The following FSTL5 variants were observed in gnomAD, a reference collection of about 807,000 sequenced individuals.
FSTL5 encodes follistatin-related protein 5.
Under a neutral mutation model 89.1 loss-of-function variants are expected in FSTL5, and 62 were observed. The ratio of observed to expected loss-of-function variants is 0.70; its 90% CI spans 0.57 to 0.86. The LOEUF (loss-of-function observed/expected upper bound fraction) is 0.86. Among genes scored for constraint, FSTL5 ranks in the 40% least tolerant of loss-of-function variants. The probability of loss-of-function intolerance (pLI) is 0.00; values close to 1 mark genes in which losing one functional copy is unlikely to be tolerated. For missense variants in FSTL5, 1,057 were observed against 1,001.6 expected, an observed-to-expected ratio of 1.06 and a Z score of -0.75; for synonymous variants, 383 against 346.2, an observed-to-expected ratio of 1.11 and a Z score of -1.18.
intron 3 of FSTL5, among the ~76,000 whole-genome samples, chr4:161,931,796 T>A (rs1192556210): frequency 6.6e-6 from 1 of 151,908 alleles, no homozygotes. Context: ...AGGTGGTAAG[T>A]TCCTCTCTCC....
chr4:161,453,419 T>A (rs1424792529), intron 15 of FSTL5, among the ~76,000 whole-genome samples: 1 of 152,144 alleles, frequency 6.6e-6, no homozygotes, highest in Non-Finnish European at 1.5e-5. Context: ...TTATCCTCAT[T>A]AAATATGTAT....
intron 12 of FSTL5, among the ~76,000 whole-genome samples, chr4:161,484,639 A>G (rs955445735): frequency 7.9e-5 from 12 of 152,132 alleles, no homozygotes; most frequent in East Asian, 5.8e-4. Flanking sequence ...TCATGACATC[A>G]TCTCTTTTAA....
At position 161,683,278 on chromosome 4, in the gene FSTL5, GCTCCATGGTAATCTTAAGGA is replaced by G. The variant is rs553768799; in HGVS notation, c.728-26804_728-26785del. Among the ~76,000 whole-genome samples the G allele has an allele frequency of 5.6e-3, 848 of 152,114 alleles. 4 individuals carry two copies. Among genetic ancestry groups the G allele is most frequent in the Non-Finnish European group, 8.9e-3 (605 of 67,990 alleles). The stretch of plus-strand genomic sequence containing the variant: ...ACAACTAGGTGCTAGGAATTTTTTG[GCTCCATGGTAATCTTAAGGA>G]ACCACCTGTGTCCATGCAGTCCATC... On this transcript the variant is annotated intron_variant, in intron 6 of 15. Coordinates refer to ENST00000306100, the MANE Select transcript of FSTL5 (RefSeq NM_020116.5).
intron 4 of FSTL5, among the ~76,000 whole-genome samples, chr4:161,884,239 TA>T (rs2126914095): frequency 6.6e-6 from 1 of 152,026 alleles, no homozygotes; most frequent in East Asian, 1.9e-4. Context: ...TTAGTAGAGA[TA>T]TTGGCCAGAC....
At chr4:161,766,908 ATTG>A (rs1560833624) in intron 5 of FSTL5, among the ~76,000 whole-genome samples, 8 of 44,582 alleles carry the variant, frequency 1.8e-4, no homozygotes, top group African/African-American at 1.6e-3. Context: ...TGATAGATCG[ATTG>A]ATAGATAGAT....
At chr4:161,845,031 A>C (rs1266517133) in intron 4 of FSTL5, among the ~76,000 whole-genome samples, 1 of 152,166 alleles carries the variant, frequency 6.6e-6, no homozygotes, top group African/African-American at 2.4e-5. Flanking sequence ...TTATTGCTTG[A>C]TTTGGTATTA....
chr4:162,043,002 C>T lies in FSTL5; in HGVS notation c.127-9344G>A, dbSNP rs546747104. On this transcript the variant is annotated intron_variant, in intron 2 of 15. Transcript: ENST00000306100. ...GGGAGATATACCTAATGCTAGATGACGAGTTAGTGGGTGCAGCGCACCAGC... is the reference window on the plus strand; with the variant it reads ...GGGAGATATACCTAATGCTAGATGATGAGTTAGTGGGTGCAGCGCACCAGC... Among the ~76,000 whole-genome samples the T allele has an allele frequency of 1.2e-4, 18 of 150,254 alleles. No homozygotes were observed. In the South Asian group the frequency reaches 2.6e-3, roughly 21 times the overall value.
At chr4:162,023,390 C>T (rs1737166746) in intron 3 of FSTL5, among the ~76,000 whole-genome samples, 1 of 152,126 alleles carries the variant, frequency 6.6e-6, no homozygotes, top group African/African-American at 2.4e-5. Context: ...CTAGATTGCA[C>T]CGTCTGGTTT....
intron 4 of FSTL5, among the ~76,000 whole-genome samples, chr4:161,905,990 T>C (rs1733511854): frequency 6.6e-6 from 1 of 152,162 alleles, no homozygotes; most frequent in Admixed American, 6.6e-5. Context: ...GAAAAGAGAC[T>C]TGAGTGCCCT....
At chr4:161,894,106 TTA>T (rs1341947714) in intron 4 of FSTL5, among the ~76,000 whole-genome samples, 3 of 152,176 alleles carry the variant, frequency 2.0e-5, no homozygotes, top group African/African-American at 7.2e-5. Context: ...GTAATGAGTA[TTA>T]TCAATTTATC....
intron 3 of FSTL5, among the ~76,000 whole-genome samples, chr4:162,030,045 T>G (rs1305939905): frequency 6.6e-6 from 1 of 152,046 alleles, no homozygotes; most frequent in Non-Finnish European, 1.5e-5. Flanking sequence ...ATTACAGGCA[T>G]GCGCTACCAC....
In FSTL5 at chr4:162,152,828, T is replaced by C. The variant is rs180839437; in HGVS notation, c.-17+10787A>G. Among the ~76,000 whole-genome samples the C allele has an allele frequency of 5.8e-4, 88 of 151,910 alleles. 1 individual carries two copies. The highest frequency in any genetic ancestry group is 2.1e-4 in the Non-Finnish European group (14 of 67,924). On this transcript the variant is annotated intron_variant, in intron 1 of 15. Transcript: ENST00000306100. ...GAAATTAGCTTTAAGTCCCAGAATT[T>C]AGTTGCAACATGCTCTGTATAGTAT...
At chr4:161,658,383 C>G (rs1359867743) in intron 6 of FSTL5, among the ~76,000 whole-genome samples, 1 of 151,578 alleles carries the variant, frequency 6.6e-6, no homozygotes, top group African/African-American at 2.4e-5. Context: ...CTCTTGAACC[C>G]GGGAGGCAGA....
chr4:161,431,002 T>C (rs1258118960), intron 15 of FSTL5, among the ~76,000 whole-genome samples: 1 of 150,118 alleles, frequency 6.7e-6, no homozygotes, highest in Non-Finnish European at 1.5e-5. Flanking sequence ...ATTTCCCAGA[T>C]AATAAAAAGC....
intron 2 of FSTL5, among the ~76,000 whole-genome samples, chr4:162,083,485 T>C (rs1009115831): frequency 5.9e-5 from 9 of 151,704 alleles, no homozygotes; most frequent in African/African-American, 2.2e-4. Context: ...ATATACGTTT[T>C]TCATTAAAAA....
chr4:162,090,633 C>T (rs1486661543), intron 2 of FSTL5, among the ~76,000 whole-genome samples: 2 of 151,912 alleles, frequency 1.3e-5, no homozygotes, highest in African/African-American at 4.8e-5. Flanking sequence ...CTAGCCTGGC[C>T]AACAGCGTGA....
At chr4:161,786,477 T>A (rs963283746) in intron 4 of FSTL5, among the ~76,000 whole-genome samples, 1 of 152,118 alleles carries the variant, frequency 6.6e-6, no homozygotes, top group African/African-American at 2.4e-5. Flanking sequence ...AGTCAACCTT[T>A]GAGAGACATT....
chr4:162,104,428 C>A (rs1387453178), intron 2 of FSTL5, among the ~76,000 whole-genome samples: 1 of 152,318 alleles, frequency 6.6e-6, no homozygotes. Context: ...TTGGAAGCGG[C>A]CCGCCACCAT....
At chr4:161,559,227 T>C (rs1165120686) in intron 8 of FSTL5, among the ~76,000 whole-genome samples, 2 of 151,886 alleles carry the variant, frequency 1.3e-5, no homozygotes, top group African/African-American at 4.8e-5. Context: ...TTCTAATCTA[T>C]ATCCTCTCCT....
Sources: gnomAD v4.1 joint callset for allele counts (sites outside exome capture counted in the v4.1 genomes callset) on GRCh38, gnomAD v4.1.1 for gene constraint, MANE v1.5 for transcripts, NCBI Gene and HGNC (gene_info 2026-07-23, HGNC 2026-07-21) for gene names.